Variants in CDH2 observed in about 807,000 individuals in gnomAD.
The protein encoded by CDH2 is cadherin-2.
Under a neutral mutation model 92.0 loss-of-function variants are expected in CDH2, and 17 were observed. That is an observed-to-expected ratio of 0.18 (90% confidence interval 0.13 to 0.28). The LOEUF is 0.28. Ranked by LOEUF, CDH2 falls within the 10% of genes least tolerant of loss-of-function variation. CDH2 has a pLI of 1.00. For missense variants in CDH2, 862 were observed against 1,133.1 expected (o/e 0.76, Z 3.44); for synonymous variants, 419 against 415.9 (o/e 1.01, Z -0.09).
intron 2 of CDH2, among the ~76,000 whole-genome samples, chr18:28,094,561 G>A (rs1485536255): frequency 6.6e-6 from 1 of 151,760 alleles, no homozygotes; most frequent in Non-Finnish European, 1.5e-5. Flanking sequence ...TTAGGAGGCT[G>A]AGGCGGGCGG....
chr18:27,951,885 T>C lies in CDH2; in HGVS notation c.*268A>G. 2.3e-6 allele frequency: 1 copy of C among 431,726 alleles called. No homozygotes were observed. Among genetic ancestry groups the C allele is most frequent in the Non-Finnish European group, 4.2e-6 (1 of 235,612 alleles). 26.7% of individuals were successfully genotyped at this position (431,726 alleles called of 1,614,324 possible). On this transcript the variant is annotated 3_prime_UTR_variant, in exon 16 of 16. Transcript: ENST00000269141. The stretch of plus-strand genomic sequence containing the variant: ...ATTAAAGCCTTAAACAGAAAACTAA[T>C]TCCAATCTGAAAAAGGTACAAAAAG...
In CDH2 at chr18:28,156,637, TGCAGCATGTC is replaced by T. The variant is rs2016221069; in HGVS notation, c.61-8863_61-8854del. Reference sequence around the variant, plus strand: ...AGGTACAGCATGTCACCTTCCCAGGTGCAGCATGTCACCTTCCCAGGTGCAGAATGTCACC... The same window carrying T: ...AGGTACAGCATGTCACCTTCCCAGGTACCTTCCCAGGTGCAGAATGTCACC... On this transcript the variant is annotated intron_variant, in intron 1 of 15. Coordinates refer to ENST00000269141, the MANE Select transcript of CDH2 (RefSeq NM_001792.5). Among the ~76,000 whole-genome samples, 10 of 59,612 alleles carry T rather than the reference TGCAGCATGTC, an allele frequency of 1.7e-4. 2 individuals are homozygous for T. Among genetic ancestry groups the T allele is most frequent in the South Asian group, 6.6e-4 (1 of 1,508 alleles). 39.1% of individuals were successfully genotyped at this position (59,612 alleles called of 152,430 possible).
At chr18:28,167,796 G>C (rs2016408301) in intron 1 of CDH2, among the ~76,000 whole-genome samples, 1 of 152,054 alleles carries the variant, frequency 6.6e-6, no homozygotes, top group Non-Finnish European at 1.5e-5. Context: ...TCTGAATTTT[G>C]AGTTCCCTAA....
intron 14 of CDH2, among the ~76,000 whole-genome samples, chr18:27,970,089 G>A (rs2011620600): frequency 6.6e-6 from 1 of 152,186 alleles, no homozygotes. Context: ...CAGAAGCTAT[G>A]AAGGAAGTAC....
At chr18:27,971,352 T>C (rs2011654233) in intron 14 of CDH2, among the ~76,000 whole-genome samples, 2 of 151,386 alleles carry the variant, frequency 1.3e-5, no homozygotes, top group Admixed American at 6.6e-5. Flanking sequence ...TACTTGGTAT[T>C]CAAATCTTTA....
chr18:28,118,770 G>T (rs887227142), intron 2 of CDH2, among the ~76,000 whole-genome samples: 8 of 151,954 alleles, frequency 5.3e-5, no homozygotes, highest in Admixed American at 3.3e-4. Context: ...ATCAAAACCA[G>T]CCTTTTATTA....
chr18:28,022,662 T>A (rs2013442839), intron 2 of CDH2, among the ~76,000 whole-genome samples: 1 of 152,126 alleles, frequency 6.6e-6, no homozygotes, highest in African/African-American at 2.4e-5. Flanking sequence ...ACAAATGTAA[T>A]GTGGAAAGTC....
At chr18:28,011,490 T>C (rs977840238) in intron 4 of CDH2, among the ~76,000 whole-genome samples, 3 of 152,304 alleles carry the variant, frequency 2.0e-5, no homozygotes, top group East Asian at 1.9e-4. Flanking sequence ...GCAAAGATCA[T>C]CACAGAGAGC....
chr18:27,953,778 G>A (rs756130797), intron 15 of CDH2, among the ~76,000 whole-genome samples: 1 of 152,092 alleles, frequency 6.6e-6, no homozygotes, highest in Non-Finnish European at 1.5e-5. Flanking sequence ...ATAATAATAG[G>A]ACTATTATAA....
intron 2 of CDH2, among the ~76,000 whole-genome samples, chr18:28,072,422 T>C (rs527361817): frequency 1.3e-5 from 2 of 152,256 alleles, no homozygotes; most frequent in African/African-American, 4.8e-5. Flanking sequence ...TCGACAGGCC[T>C]ACTCAACCCG....
intron 6 of CDH2, among the ~76,000 whole-genome samples, chr18:27,938,434 C>G (rs1016560934): frequency 1.1e-4 from 17 of 152,248 alleles, no homozygotes; most frequent in African/African-American, 3.4e-4. Context: ...TCCTCATACA[C>G]TTGTATCATT....
rs141260958 is a variant in CDH2, at chr18:28,149,815, A to C, written c.61-2031T>G. Reference sequence around the variant, plus strand: ...CTGAAGGAAACCAGGTAAAATGTAAAGATCCGCATAGACACACAGGTACAA... The same window carrying C: ...CTGAAGGAAACCAGGTAAAATGTAACGATCCGCATAGACACACAGGTACAA... On this transcript the variant is annotated intron_variant, in intron 1 of 15. Coordinates refer to ENST00000269141, the MANE Select transcript of CDH2 (RefSeq NM_001792.5). Among the ~76,000 whole-genome samples, 482 of 152,352 alleles carry C rather than the reference A, an allele frequency of 3.2e-3. 3 individuals carry two copies. The highest frequency in any genetic ancestry group is 0.011 in the African/African-American group (442 of 41,584).
chr18:27,933,994 A>T (rs1908964214), intron 6 of CDH2, among the ~76,000 whole-genome samples: 1 of 152,202 alleles, frequency 6.6e-6, no homozygotes, highest in African/African-American at 2.4e-5. Context: ...AAAGAAAGAA[A>T]ATATGTTATC....
intron 2 of CDH2, among the ~76,000 whole-genome samples, chr18:28,069,373 C>G (rs1444141855): frequency 6.6e-6 from 1 of 152,166 alleles, no homozygotes. Context: ...CATTATCACT[C>G]TGGCTCAAAG....
chr18:28,073,735 G>A (rs1278882570), intron 2 of CDH2, among the ~76,000 whole-genome samples: 1 of 152,184 alleles, frequency 6.6e-6, no homozygotes, highest in Admixed American at 6.5e-5. Flanking sequence ...TAGTGGGGGT[G>A]TTACAGGCTC....
At chr18:28,157,556 T>C (rs2016239329) in intron 1 of CDH2, among the ~76,000 whole-genome samples, 1 of 152,160 alleles carries the variant, frequency 6.6e-6, no homozygotes, top group Non-Finnish European at 1.5e-5. Context: ...CAAAAGGCCT[T>C]GGGGATTACC....
chr18:28,035,003 A>G (rs1422924084), intron 2 of CDH2, among the ~76,000 whole-genome samples: 1 of 152,056 alleles, frequency 6.6e-6, no homozygotes, highest in Admixed American at 6.6e-5. Flanking sequence ...AAGAAAATTA[A>G]GCTTTCAAGA....
At chr18:27,969,013 A>T (rs2011593762) in intron 14 of CDH2, among the ~76,000 whole-genome samples, 1 of 152,230 alleles carries the variant, frequency 6.6e-6, no homozygotes, top group Non-Finnish European at 1.5e-5. Flanking sequence ...ACTGCTGACA[A>T]GTAAGTCAAA....
At chr18:28,046,792 T>C (rs1224452563) in intron 2 of CDH2, among the ~76,000 whole-genome samples, 1 of 152,238 alleles carries the variant, frequency 6.6e-6, no homozygotes, top group African/African-American at 2.4e-5. Flanking sequence ...TGTGGGGGAC[T>C]TTCTAATGAA....
Sources: gnomAD v4.1 joint callset for allele counts (sites outside exome capture counted in the v4.1 genomes callset) on GRCh38, gnomAD v4.1.1 for gene constraint, MANE v1.5 for transcripts, NCBI Gene and HGNC (gene_info 2026-07-23, HGNC 2026-07-21) for gene names.